The following RIMKLB variants were observed in gnomAD, a reference collection of about 807,000 sequenced individuals.
The protein encoded by RIMKLB is ribosomal modification protein rimK like family member B.
In RIMKLB, 7 loss-of-function variants were observed where a neutral mutation model predicts 32.0. That is an observed-to-expected ratio of 0.22 (90% confidence interval 0.12 to 0.41). The LOEUF (loss-of-function observed/expected upper bound fraction) is 0.41, where lower values mean the gene tolerates loss of function less well. RIMKLB is among the 10% of genes least tolerant of loss of function. RIMKLB has a pLI of 1.00. For synonymous variants in RIMKLB, 172 were observed against 185.1 expected (o/e 0.93, Z 0.57); for missense variants, 289 against 498.7 (o/e 0.58, Z 4.00).
At chr12:8,782,852 T>C (rs1354510005) in intron 7 of RIMKLB, 3 of 152,198 alleles carry the variant, frequency 2.0e-5, no homozygotes, top group African/African-American at 4.8e-5. Context: ...TTTTTTCTTA[T>C]CCTGGTTATA....
At chr12:8,693,986 T>C (rs1175090150), upstream of RIMKLB, among the ~76,000 whole-genome samples, 1 of 152,068 alleles carries the variant, frequency 6.6e-6, no homozygotes. Flanking sequence ...CTCATGCCTG[T>C]AATCCCAGCA....
chr12:8,781,169 C>T (rs1353129662), downstream of RIMKLB, among the ~76,000 whole-genome samples: 1 of 152,080 alleles, frequency 6.6e-6, no homozygotes, highest in African/African-American at 2.4e-5. Context: ...GGAGAAACCC[C>T]ATCTCTACTA....
chr12:8,707,649 A>C (rs1019908396), intron 1 of RIMKLB, among the ~76,000 whole-genome samples: 6 of 152,128 alleles, frequency 3.9e-5, no homozygotes, highest in African/African-American at 7.2e-5. Context: ...CAACCCTCTA[A>C]TCATGCCTTG....
intron 5 of RIMKLB, among the ~76,000 whole-genome samples, chr12:8,758,670 G>A (rs749472232): frequency 2.0e-5 from 3 of 152,022 alleles, no homozygotes; most frequent in South Asian, 2.1e-4. Context: ...AAGCTTTTCC[G>A]TGTTTAGGAC....
the RIMKLB span, among the ~76,000 whole-genome samples, chr12:8,673,189 G>A: frequency 3.3e-5 from 5 of 151,922 alleles, no homozygotes; most frequent in South Asian, 6.2e-4. Flanking sequence ...GCCTCTGACC[G>A]GGTATTTCTT....
downstream of RIMKLB, among the ~76,000 whole-genome samples, chr12:8,781,995 A>C: frequency 6.7e-6 from 1 of 150,218 alleles, no homozygotes; most frequent in South Asian, 2.1e-4. Flanking sequence ...TATGGTTCTT[A>C]TCTTATTTCA....
At chr12:8,712,980 A>G (rs1944506895) in intron 1 of RIMKLB, among the ~76,000 whole-genome samples, 1 of 152,130 alleles carries the variant, frequency 6.6e-6, no homozygotes, top group Non-Finnish European at 1.5e-5. Flanking sequence ...TTTGCTTCTC[A>G]GGAAGGTGAT....
intron 2 of RIMKLB, among the ~76,000 whole-genome samples, chr12:8,728,777 G>A (rs1225183509): frequency 6.6e-6 from 1 of 151,412 alleles, no homozygotes; most frequent in Non-Finnish European, 1.5e-5. Flanking sequence ...GTGTGTGTGT[G>A]TGTGTGTGTG....
intron 2 of RIMKLB, among the ~76,000 whole-genome samples, chr12:8,744,254 G>GA (rs1345034685): frequency 6.6e-6 from 1 of 151,846 alleles, no homozygotes; most frequent in East Asian, 1.9e-4. Flanking sequence ...TGTTTTCCTA[G>GA]AATAACATCA....
chr12:8,693,653 C>A (rs1239083104), upstream of RIMKLB, among the ~76,000 whole-genome samples: 5 of 152,184 alleles, frequency 3.3e-5, no homozygotes, highest in African/African-American at 9.6e-5. Flanking sequence ...CCACCTCAGC[C>A]TCCCAAAATG....
chr12:8,776,821 C>T lies in RIMKLB; in HGVS notation c.*3037C>T. 1 of 985,682 alleles carries T rather than the reference C, an allele frequency of 1.0e-6. No homozygotes were observed. The highest frequency in any genetic ancestry group is 1.2e-6 in the Non-Finnish European group (1 of 829,870). The allele number at this position is 985,682 out of a possible 1,614,324, so 61.1% of individuals were successfully genotyped here. On this transcript the variant is annotated 3_prime_UTR_variant, in exon 6 of 6. Transcript: ENST00000535829. The stretch of plus-strand genomic sequence containing the variant: ...AACAAGAGACTTGGCATTCATCAAG[C>T]ACATTATCAGACTTTGAGAACATAT...
At chr12:8,779,830 A>C (rs971196806), downstream of RIMKLB, 2 of 152,182 alleles carry the variant, frequency 1.3e-5, no homozygotes, top group Admixed American at 6.5e-5. Context: ...TGCTGTGTTG[A>C]TGCCCAGTTC....
At chr12:8,723,508 C>T (rs1945671193) in intron 2 of RIMKLB, among the ~76,000 whole-genome samples, 1 of 152,208 alleles carries the variant, frequency 6.6e-6, no homozygotes, top group East Asian at 1.9e-4. Flanking sequence ...GCAAAAATGA[C>T]ACTGATTGAC....
intron 1 of RIMKLB, among the ~76,000 whole-genome samples, chr12:8,690,664 C>G (rs1305867209): frequency 6.6e-6 from 1 of 152,170 alleles, no homozygotes; most frequent in Non-Finnish European, 1.5e-5. Flanking sequence ...GTGGCTCACG[C>G]CTGTAATCCC....
At chr12:8,714,759 A>G (rs1378867459) in intron 2 of RIMKLB, among the ~76,000 whole-genome samples, 1 of 152,200 alleles carries the variant, frequency 6.6e-6, no homozygotes, top group Non-Finnish European at 1.5e-5. Context: ...TACTATAGCT[A>G]AATTGGTAGT....
At chr12:8,747,217 T>C (rs1460488904) in intron 2 of RIMKLB, among the ~76,000 whole-genome samples, 1 of 152,206 alleles carries the variant, frequency 6.6e-6, no homozygotes, top group Admixed American at 6.5e-5. Flanking sequence ...AGAACAGATA[T>C]AAATTCTTTA....
At chr12:8,735,961 C>A (rs1290534838) in intron 2 of RIMKLB, among the ~76,000 whole-genome samples, 1 of 152,056 alleles carries the variant, frequency 6.6e-6, no homozygotes, top group Non-Finnish European at 1.5e-5. Flanking sequence ...AACTCCCGAC[C>A]TCAGGTGATC....
chr12:8,725,559 C>G (rs1945899973), intron 2 of RIMKLB, among the ~76,000 whole-genome samples: 2 of 152,128 alleles, frequency 1.3e-5, no homozygotes, highest in Non-Finnish European at 2.9e-5. Flanking sequence ...CAAAGTCTGC[C>G]CCGGCCCCTT....
At chr12:8,725,237 A>G (rs1365147436) in intron 2 of RIMKLB, among the ~76,000 whole-genome samples, 1 of 151,814 alleles carries the variant, frequency 6.6e-6, no homozygotes, top group African/African-American at 2.4e-5. Context: ...GCTAGTTACA[A>G]TTTTCTCTCC....
Sources: gnomAD v4.1 joint callset for allele counts (sites outside exome capture counted in the v4.1 genomes callset) on GRCh38, gnomAD v4.1.1 for gene constraint, MANE v1.5 for transcripts, NCBI Gene and HGNC (gene_info 2026-07-23, HGNC 2026-07-21) for gene names.